The following MTCL1 variants were observed in gnomAD, a reference collection of about 807,000 sequenced individuals.
MTCL1 encodes microtubule crosslinking factor 1, also known as microtubule cross-linking factor 1.
Under a neutral mutation model 141.4 loss-of-function variants are expected in MTCL1, and 79 were observed. That is an observed-to-expected ratio of 0.56 (90% CI 0.47 to 0.67). The LOEUF is 0.67. MTCL1 is among the 30% of genes least tolerant of loss of function. The pLI is 0.00. For synonymous variants in MTCL1, 914 were observed against 875.8 expected (o/e 1.04, Z -0.77); for missense variants, 2,177 against 2,113.9 (o/e 1.03, Z -0.59).
At chr18:8,709,849 A>AT (rs918952095) in intron 1 of MTCL1, among the ~76,000 whole-genome samples, 4 of 151,856 alleles carry the variant, frequency 2.6e-5, no homozygotes, top group East Asian at 1.9e-4. Context: ...ATTTTTATTT[A>AT]TTTTTTTTGA....
chr18:8,726,490 A>AGC (rs1419991318), intron 4 of MTCL1, among the ~76,000 whole-genome samples: 1 of 113,324 alleles, frequency 8.8e-6, no homozygotes, highest in African/African-American at 4.0e-5. Flanking sequence ...AGAGAGAGAG[A>AGC]GAGAGCGCGC....
intron 3 of MTCL1, among the ~76,000 whole-genome samples, chr18:8,719,642 T>TA (rs2096154574): frequency 6.6e-6 from 1 of 152,164 alleles, no homozygotes; most frequent in African/African-American, 2.4e-5. Flanking sequence ...AGCTCACTGT[T>TA]ACCTCGAACT....
At chr18:8,827,268 G>A (rs1250243820) in intron 15 of MTCL1, among the ~76,000 whole-genome samples, 1 of 152,248 alleles carries the variant, frequency 6.6e-6, no homozygotes, top group African/African-American at 2.4e-5. Context: ...GGGAGAGGAG[G>A]AAGGTGTATT....
At chr18:8,827,632 C>T (rs529075582) in intron 15 of MTCL1, among the ~76,000 whole-genome samples, 4 of 152,264 alleles carry the variant, frequency 2.6e-5, no homozygotes, top group African/African-American at 7.2e-5. Context: ...TGCCGTGGAA[C>T]GGTCTGTTTA....
At chr18:8,711,068 T>C (rs372242546) in intron 1 of MTCL1, among the ~76,000 whole-genome samples, 3 of 151,604 alleles carry the variant, frequency 2.0e-5, no homozygotes, top group East Asian at 3.9e-4. Flanking sequence ...GTCCCCAGAG[T>C]GTGATATTCC....
chr18:8,709,878 C>G (rs894642264), intron 1 of MTCL1, among the ~76,000 whole-genome samples: 1 of 152,002 alleles, frequency 6.6e-6, no homozygotes, highest in East Asian at 1.9e-4. Flanking sequence ...CTTGCTTTGT[C>G]GTGCAGGCTG....
chr18:8,773,241 C>A (rs1263393513), intron 4 of MTCL1, among the ~76,000 whole-genome samples: 1 of 152,146 alleles, frequency 6.6e-6, no homozygotes, highest in Non-Finnish European at 1.5e-5. Context: ...GCACCACCAT[C>A]CCCCTGCACC....
intron 4 of MTCL1, among the ~76,000 whole-genome samples, chr18:8,725,579 T>A (rs1008732869): frequency 1.3e-4 from 20 of 152,268 alleles, no homozygotes; most frequent in Admixed American, 7.2e-4. Context: ...GCTAAAAAAA[T>A]TTTTTAATGG....
chr18:8,820,365 G>A (rs571064076), intron 13 of MTCL1, among the ~76,000 whole-genome samples: 31 of 152,016 alleles, frequency 2.0e-4, no homozygotes, highest in African/African-American at 7.0e-4. Context: ...AGCCAAGATC[G>A]CGCCACTGCA....
intron 11 of MTCL1, among the ~76,000 whole-genome samples, chr18:8,808,026 C>T (rs1469402057): frequency 6.7e-6 from 1 of 149,982 alleles, no homozygotes; most frequent in Non-Finnish European, 1.5e-5. Context: ...AAAAAAAACT[C>T]CAGCTCTCCT....
intron 4 of MTCL1, among the ~76,000 whole-genome samples, chr18:8,763,333 G>A (rs2096442726): frequency 6.6e-6 from 1 of 152,340 alleles, no homozygotes; most frequent in African/African-American, 2.4e-5. Context: ...TTCCCTGATG[G>A]GCCCGCCCAG....
At chr18:8,782,288 G>T (rs767411373) in intron 5 of MTCL1, 4 of 152,372 alleles carry the variant, frequency 2.6e-5, no homozygotes, top group Non-Finnish European at 4.4e-5. Context: ...GACTCCCGCA[G>T]TGCTGTTGTT....
At chr18:8,757,939 A>G (rs1414204150) in intron 4 of MTCL1, among the ~76,000 whole-genome samples, 1 of 152,148 alleles carries the variant, frequency 6.6e-6, no homozygotes, top group African/African-American at 2.4e-5. Flanking sequence ...TTTATCCAAG[A>G]AAGATAAAAG....
Position 8,805,164 on chromosome 18 carries a change from A to G in MTCL1, c.2437-1729A>G, listed in dbSNP as rs910709194. ...TACATGTGCAGGTTTATTATATGGT[A>G]TATTGCATGTTGCTGAGGTGTGGGC... On this transcript the variant is annotated intron_variant, in intron 10 of 16. Coordinates refer to ENST00000359865, the Ensembl canonical transcript of MTCL1. Among the ~76,000 whole-genome samples the G allele has an allele frequency of 2.0e-5, 3 of 151,254 alleles. 1 individual carries two copies. The highest frequency in any genetic ancestry group is 7.3e-5 in the African/African-American group (3 of 41,004).
intron 5 of MTCL1, among the ~76,000 whole-genome samples, chr18:8,780,447 A>T (rs1321088603): frequency 6.6e-6 from 1 of 152,248 alleles, no homozygotes; most frequent in Non-Finnish European, 1.5e-5. Context: ...AGGCTCAAGA[A>T]GGGTGGAGAG....
rs140796802 is a variant in MTCL1 at position 8,783,864 on chromosome 18, C to T, written c.752C>T (p.Pro251Leu). Residue 251 changes from proline (P) to leucine (L), a missense_variant, in exon 6 of 17, where the codon CCG becomes CTG. Physicochemically the swap from Pro to Leu is moderately conservative, Grantham distance 98. Coordinates refer to ENST00000359865, the Ensembl canonical transcript of MTCL1. ...CGGGGCCAGCAGGAGCGGGAGGGCC[C>T]GGGTCGGGACCACGCACCCAGCATT... 3.1e-5 allele frequency: 50 copies of T among 1,612,906 alleles called. No individual in the cohort carries two copies. The highest frequency in any genetic ancestry group is 2.2e-4 in the Admixed American group (13 of 60,010).
chr18:8,828,845 C>G lies in MTCL1; in HGVS notation c.4723-63C>G. On this transcript the variant is annotated intron_variant, in intron 15 of 16. Coordinates refer to ENST00000359865, the Ensembl canonical transcript of MTCL1. This position sits in a 1 kb window ranked among gnomAD's most constrained non-coding sequence, Gnocchi z 5.2. ...CTGACTTTAAACCTTTATTGTTCTC[C>G]TGTTTAAAAAACACTTTCCAACCTT... 6.2e-7 allele frequency: 1 copy of G among 1,612,680 alleles called. No homozygotes were observed. The highest frequency in any genetic ancestry group is 1.1e-5 in the South Asian group (1 of 90,914).
intron 11 of MTCL1, among the ~76,000 whole-genome samples, chr18:8,811,561 TAAA>T (rs1410909471): frequency 8.5e-5 from 13 of 152,132 alleles, no homozygotes; most frequent in Admixed American, 7.2e-4. Context: ...TCAAAAAAGT[TAAA>T]AGAATCTTTT....
intron 7 of MTCL1, 138 bp from the exon 7 acceptor site, chr18:8,792,860 T>C: frequency 8.2e-7 from 1 of 1,213,688 alleles, no homozygotes; most frequent in South Asian, 1.5e-5. Context: ...GCTGCCACAG[T>C]CACTCCACTG....
Sources: allele counts gnomAD v4.1 joint callset (sites outside exome capture counted in the v4.1 genomes callset), GRCh38; gene constraint gnomAD v4.1.1; non-coding constraint Gnocchi (gnomAD v3.1); transcripts MANE v1.5; gene names NCBI Gene and HGNC (gene_info 2026-07-23, HGNC 2026-07-21).